TMEM132D: variants seen among roughly 807,000 people sequenced by gnomAD.
TMEM132D encodes the protein mature OL transmembrane protein.
In TMEM132D, 21 loss-of-function variants were observed where a neutral mutation model predicts 62.3. The observed-to-expected ratio is 0.34, with a 90% confidence interval of 0.24 to 0.49. The LOEUF is 0.49. TMEM132D is among the 20% of genes least tolerant of loss of function. TMEM132D has a pLI of 0.99. For synonymous variants in TMEM132D, 621 were observed against 575.6 expected (o/e 1.08, Z -1.13); for missense variants, 1,346 against 1,402.8 (o/e 0.96, Z 0.65).
In TMEM132D at chr12:129,505,336, G is replaced by A. The variant is rs150128292; in HGVS notation, c.1115+25723C>T. Among the ~76,000 whole-genome samples, 1,435 of 151,788 alleles carry A rather than the reference G, an allele frequency of 9.5e-3. 19 individuals are homozygous for A. The highest frequency in any genetic ancestry group is 0.031 in the African/African-American group (1,285 of 41,352). ...TGGCTCACTGCAAGCTCCGCCTCCC[G>A]GGTTCATGCCATTCTCCTGCCTCAG... On this transcript the variant is annotated intron_variant, in intron 3 of 8. Coordinates refer to ENST00000422113, the MANE Select transcript of TMEM132D (RefSeq NM_133448.3).
At chr12:129,346,319 T>G (rs2135665188) in intron 3 of TMEM132D, among the ~76,000 whole-genome samples, 1 of 152,124 alleles carries the variant, frequency 6.6e-6, no homozygotes, top group East Asian at 1.9e-4. Context: ...TCTATTTGAT[T>G]CTTCTCTCTT....
chr12:129,780,700 C>T (rs905405578), intron 1 of TMEM132D, among the ~76,000 whole-genome samples: 2 of 152,164 alleles, frequency 1.3e-5, no homozygotes, highest in Non-Finnish European at 2.9e-5. Flanking sequence ...TTTCAGGCTA[C>T]CACAAGCCCC....
intron 1 of TMEM132D, among the ~76,000 whole-genome samples, chr12:129,780,354 G>A (rs767180796): frequency 6.6e-6 from 1 of 152,088 alleles, no homozygotes; most frequent in South Asian, 2.1e-4. Context: ...GGGGGCCGGG[G>A]GGGCACAAAA....
intron 4 of TMEM132D, among the ~76,000 whole-genome samples, chr12:129,227,653 G>C (rs1879517820): frequency 6.6e-6 from 1 of 151,390 alleles, no homozygotes; most frequent in Non-Finnish European, 1.5e-5. Context: ...CAATGTGCAG[G>C]TTTGTTACAT....
At chr12:129,114,993 G>A (rs1030211655) in intron 5 of TMEM132D, among the ~76,000 whole-genome samples, 6 of 152,120 alleles carry the variant, frequency 3.9e-5, no homozygotes, top group Non-Finnish European at 5.9e-5. Flanking sequence ...CATCCTGTAC[G>A]TATTTTTTGA....
chr12:129,487,703 C>T (rs927760119), intron 3 of TMEM132D, among the ~76,000 whole-genome samples: 4 of 151,772 alleles, frequency 2.6e-5, no homozygotes, highest in Admixed American at 6.6e-5. Flanking sequence ...GAGGCCGAGG[C>T]GGGCGGATCA....
intron 2 of TMEM132D, among the ~76,000 whole-genome samples, chr12:129,639,198 C>T (rs1879578444): frequency 6.6e-6 from 1 of 151,636 alleles, no homozygotes. Flanking sequence ...GCCTGGCCAA[C>T]ATGGCAAAAC....
chr12:129,767,422 C>G (rs139508533), intron 1 of TMEM132D, among the ~76,000 whole-genome samples: 283 of 152,260 alleles, frequency 1.9e-3, no homozygotes, highest in Admixed American at 5.3e-3. Context: ...GCTGTGTAAC[C>G]ATCACCATCA....
chr12:129,514,706 G>A (rs1407935001), intron 3 of TMEM132D, among the ~76,000 whole-genome samples: 3 of 152,086 alleles, frequency 2.0e-5, no homozygotes, highest in East Asian at 1.9e-4. Flanking sequence ...AGGAGAGAAC[G>A]GCTGCAATTT....
Position 129,877,613 on chromosome 12 carries a change from G to GCACACACACA in TMEM132D, c.79+25638_79+25647dup, listed in dbSNP as rs141592866. Among the ~76,000 whole-genome samples the GCACACACACA allele has an allele frequency of 6.2e-4, 90 of 144,402 alleles. 1 individual carries two copies. In the South Asian group the frequency reaches 0.017, roughly 27 times the overall value. 94.7% of individuals were successfully genotyped at this position (144,402 alleles called of 152,430 possible). A position where few individuals can be genotyped will look rare whatever the true frequency, so the allele number is the denominator to read the frequency against. ...ACCTATTAACCAAACGCGCGCGCGC[G>GCACACACACA]CACACACACACACACAGAGAGAGAG... is the stretch of plus-strand genomic sequence containing the variant. On this transcript the variant is annotated intron_variant, in intron 1 of 8. Transcript: ENST00000422113.
intron 4 of TMEM132D, among the ~76,000 whole-genome samples, chr12:129,251,548 A>G (rs1880267328): frequency 2.0e-5 from 3 of 152,044 alleles, no homozygotes; most frequent in African/African-American, 7.3e-5. Context: ...TAAGCCCCTA[A>G]ACTTTAAAGC....
intron 5 of TMEM132D, among the ~76,000 whole-genome samples, chr12:129,176,620 C>T (rs1302201313): frequency 6.6e-6 from 1 of 152,262 alleles, no homozygotes; most frequent in East Asian, 1.9e-4. Context: ...CTCGCTACCA[C>T]ACAACACTGC....
chr12:129,179,328 G>GT (rs1050288450), intron 5 of TMEM132D, among the ~76,000 whole-genome samples: 1 of 128,524 alleles, frequency 7.8e-6, no homozygotes, highest in African/African-American at 3.5e-5. Flanking sequence ...CTTTTTTTTT[G>GT]TTTTTTGTTT....
At chr12:129,862,208 T>C (rs1336331128) in intron 1 of TMEM132D, among the ~76,000 whole-genome samples, 1 of 152,216 alleles carries the variant, frequency 6.6e-6, no homozygotes, top group Non-Finnish European at 1.5e-5. Context: ...AAAATAAACC[T>C]GTTGGCCAGT....
At chr12:129,422,772 T>C (rs1000834549) in intron 3 of TMEM132D, among the ~76,000 whole-genome samples, 1 of 152,122 alleles carries the variant, frequency 6.6e-6, no homozygotes, top group Non-Finnish European at 1.5e-5. Flanking sequence ...AAGACTACTG[T>C]CAACAGGTAA....
chr12:129,273,907 A>G (rs1280255755), intron 4 of TMEM132D, among the ~76,000 whole-genome samples: 1 of 151,382 alleles, frequency 6.6e-6, no homozygotes, highest in South Asian at 2.1e-4. Flanking sequence ...TGAACTTAAA[A>G]CAAAAGTTGA....
At chr12:129,657,075 A>G (rs1310177084) in intron 2 of TMEM132D, among the ~76,000 whole-genome samples, 1 of 152,234 alleles carries the variant, frequency 6.6e-6, no homozygotes, top group Admixed American at 6.5e-5. Context: ...TGATGTTGCC[A>G]GTTTGTAATC....
intron 4 of TMEM132D, among the ~76,000 whole-genome samples, chr12:129,276,214 A>T (rs1246925898): frequency 6.6e-6 from 1 of 152,214 alleles, no homozygotes; most frequent in Non-Finnish European, 1.5e-5. Context: ...TTCATTGACC[A>T]TTCTTCCACG....
intron 4 of TMEM132D, among the ~76,000 whole-genome samples, chr12:129,259,623 A>T (rs1880500531): frequency 2.0e-5 from 3 of 152,138 alleles, no homozygotes; most frequent in Admixed American, 1.3e-4. Flanking sequence ...AATTAGAGTC[A>T]GGGATGGAGC....
Sources: allele counts gnomAD v4.1 joint callset (sites outside exome capture counted in the v4.1 genomes callset), GRCh38; gene constraint gnomAD v4.1.1; transcripts MANE v1.5; gene names NCBI Gene and HGNC (gene_info 2026-07-23, HGNC 2026-07-21).